The following EPN1 variants were observed in gnomAD, a reference collection of about 807,000 sequenced individuals.
EPN1 encodes epsin-1.
EPN1 carries 25 observed loss-of-function variants against 56.9 expected under a neutral mutation model. That is an observed-to-expected ratio of 0.44 (90% confidence interval 0.32 to 0.61). EPN1 has a LOEUF of 0.61. Among genes scored for constraint, EPN1 ranks in the 20% least tolerant of loss-of-function variants. The pLI, the probability that EPN1 is intolerant of heterozygous loss-of-function variation, is 0.05. For synonymous variants in EPN1, 411 were observed against 361.8 expected, an observed-to-expected ratio of 1.14 and a Z score of -1.54; for missense variants, 785 against 823.7, an observed-to-expected ratio of 0.95 and a Z score of 0.58.
At chr19:55,676,280 T>C (rs977953994) in intron 1 of EPN1, among the ~76,000 whole-genome samples, 54 of 151,984 alleles carry the variant, frequency 3.6e-4, no homozygotes, top group African/African-American at 1.2e-3. Flanking sequence ...TAGATATCGG[T>C]CGGTTATTGG....
chr19:55,708,923 C>A lies in EPN1; in HGVS notation c.*13567C>A, dbSNP rs1600120183. 1 of 1,547,138 alleles carries A rather than the reference C, an allele frequency of 6.5e-7. No individual in the cohort carries two copies. Among genetic ancestry groups the A allele is most frequent in the Non-Finnish European group, 8.7e-7 (1 of 1,155,726 alleles). On this transcript the variant is annotated 3_prime_UTR_variant, in exon 11 of 11. Coordinates refer to ENST00000270460, the MANE Select transcript of EPN1 (RefSeq NM_001130072.2). Reference sequence around the variant, plus strand: ...CAGGGTGTTCCCCATCAGAGGAGCACACCCCTGATCTTGTATTCCTCGTCA... The same window carrying A: ...CAGGGTGTTCCCCATCAGAGGAGCAAACCCCTGATCTTGTATTCCTCGTCA...
rs1026973550 is a variant in EPN1, at chr19:55,689,066, C to T, written c.603+72C>T. ...GCCTCACTTCAGGCTCCCTCCCAGC[C>T]AGGCGTGGGCCTGGCCCTCACTGTC... On this transcript the variant is annotated intron_variant, in intron 4 of 10. Transcript: ENST00000270460. The surrounding 1 kb of genome is among the most constrained non-coding windows in gnomAD (Gnocchi z 5.7). The T allele has an allele frequency of 3.3e-5, 49 of 1,494,370 alleles. No individual in the cohort carries two copies. The African/African-American group carries it at 6.6e-4, about 20-fold the overall frequency. The allele number at this position is 1,494,370 out of a possible 1,614,324, so 92.6% of individuals were successfully genotyped here. A position where few individuals can be genotyped will look rare whatever the true frequency, so the allele number is the denominator to read the frequency against.
At chr19:55,688,175 G>A (rs770049834) in intron 3 of EPN1, among the ~76,000 whole-genome samples, 4 of 152,168 alleles carry the variant, frequency 2.6e-5, no homozygotes, top group Non-Finnish European at 5.9e-5. Flanking sequence ...ACTGTGGAGG[G>A]GGGCAAGGGT....
At chr19:55,685,923 CAG>C (rs1568570684) in intron 3 of EPN1, among the ~76,000 whole-genome samples, 1 of 152,240 alleles carries the variant, frequency 6.6e-6, no homozygotes, top group Non-Finnish European at 1.5e-5. Context: ...CCCATAGGCT[CAG>C]GGCCTGAGGG....
chr19:55,686,485 G>A (rs1040630296), intron 3 of EPN1, among the ~76,000 whole-genome samples: 2 of 152,208 alleles, frequency 1.3e-5, no homozygotes, highest in Non-Finnish European at 2.9e-5. Context: ...AGCCAGGCCG[G>A]TGCAGACAGG....
chr19:55,677,837 C>T lies in EPN1; in HGVS notation c.-101-690C>T, dbSNP rs1481115748. 4 of 1,383,130 alleles carry T rather than the reference C, an allele frequency of 2.9e-6. No individual in the cohort carries two copies. In the Admixed American group the frequency reaches 9.7e-5, roughly 34 times the overall value. The allele number at this position is 1,383,130 out of a possible 1,614,324, so 85.7% of individuals were successfully genotyped here. On this transcript the variant is annotated intron_variant, in intron 1 of 10. Transcript: ENST00000270460. ...ATTCCTGCCCCCTCTGCCCTTGTTC[C>T]AGAGGTCTTTCCTGCCCTCCCTCTC...
rs1451140757 is a variant in EPN1 at position 55,688,890 on chromosome 19, T to C, written c.499T>C (p.Ser167Pro). The C allele has an allele frequency of 1.9e-6, 3 of 1,579,566 alleles. No homozygotes were observed. In the South Asian group the frequency reaches 3.5e-5, roughly 18 times the overall value. ...TATASSAAVG[S>P]GPPPEAEQAW... is the part of the protein sequence containing the mutation. The stretch of plus-strand genomic sequence containing the variant: ...TCCAGCCTCATCAGCAGCTGTGGGC[T>C]CAGGCCCCCCTCCCGAGGCGGAGCA... The change falls in exon 4 of 11, where the codon TCA becomes CCA. Residue 167 changes from serine (S) to proline (P), a missense_variant. Ser to Pro is a moderately conservative substitution (Grantham distance 74). This residue lies in a region of EPN1 where 650 missense variants were observed against 605.0 expected (regional missense o/e 1.07). Coordinates refer to ENST00000270460, the MANE Select transcript of EPN1 (RefSeq NM_001130072.2).
chr19:55,675,643 C>T (rs1985349133), intron 1 of EPN1, among the ~76,000 whole-genome samples: 1 of 152,134 alleles, frequency 6.6e-6, no homozygotes, highest in Admixed American at 6.5e-5. Flanking sequence ...GCGTCTGTTT[C>T]CTGTGGGCCT....
At position 55,698,125 on chromosome 19, in the gene EPN1, G is replaced by C. The variant is rs914341677; in HGVS notation, c.*2769G>C. 6.6e-6 allele frequency: 1 copy of C among 151,780 alleles called. No individual in the cohort carries two copies. Among genetic ancestry groups the C allele is most frequent in the African/African-American group, 2.4e-5 (1 of 41,228 alleles). 9.4% of individuals were successfully genotyped at this position (151,780 alleles called of 1,614,324 possible). A position where few individuals can be genotyped will look rare whatever the true frequency, so the allele number is the denominator to read the frequency against. On this transcript the variant is annotated 3_prime_UTR_variant, in exon 11 of 11. Coordinates refer to ENST00000270460, the MANE Select transcript of EPN1 (RefSeq NM_001130072.2). ...GCTGAAGAAGCCTATCAGATGTGAG[G>C]GTGGCGGGGGTTGGGGGGGATGGCG...
chr19:55,692,826 C>T (rs967286439), intron 8 of EPN1, 30 bp downstream of exon 8: 15 of 1,584,554 alleles, frequency 9.5e-6, no homozygotes, highest in South Asian at 5.7e-5. Flanking sequence ...AATGGAGCCC[C>T]GGGTGGGAGT....
rs770781947 is a variant in EPN1, at chr19:55,677,782, C to G, written c.-101-745C>G. 6 of 1,459,336 alleles carry G rather than the reference C, an allele frequency of 4.1e-6. No individual in the cohort carries two copies. The South Asian group carries it at 7.4e-5, about 18-fold the overall frequency. 90.4% of individuals were successfully genotyped at this position (1,459,336 alleles called of 1,614,324 possible). A position where few individuals can be genotyped will look rare whatever the true frequency, so the allele number is the denominator to read the frequency against. The stretch of plus-strand genomic sequence containing the variant: ...TGTCTTTAATCCCTTCATCAGCCTT[C>G]TTTCCCATGTGTCCTTGTTTCTGCT... On this transcript the variant is annotated intron_variant, in intron 1 of 10. Transcript: ENST00000270460.
At chr19:55,677,321 C>T (rs566086258) in intron 1 of EPN1, 278 of 773,518 alleles carry the variant, frequency 3.6e-4, no homozygotes, top group Non-Finnish European at 5.6e-4. Flanking sequence ...TGAGTTAATA[C>T]ATGTAAAGCA....
intron 9 of EPN1, 77 bp downstream of exon 9, chr19:55,693,114 C>T (rs1986689147): frequency 1.4e-6 from 2 of 1,422,192 alleles, no homozygotes; most frequent in South Asian, 1.2e-5. Flanking sequence ...CCCTTGCTGT[C>T]TTTGTCCCAC....
At chr19:55,692,824 C>A (rs1020249227) in intron 8 of EPN1, 28 bp downstream of exon 8, 4 of 1,586,958 alleles carry the variant, frequency 2.5e-6, no homozygotes, top group South Asian at 2.3e-5. Flanking sequence ...GGAATGGAGC[C>A]CCGGGTGGGA....
Position 55,694,565 on chromosome 19 carries a change from C to A in EPN1, c.1265-161C>A. On this transcript the variant is annotated intron_variant, in intron 9 of 10. Coordinates refer to ENST00000270460, the MANE Select transcript of EPN1 (RefSeq NM_001130072.2). The surrounding 1 kb of genome is among the most constrained non-coding windows in gnomAD (Gnocchi z 4.2). The stretch of plus-strand genomic sequence containing the variant: ...AATCTGGGCTGACGTGAGGTTTTGG[C>A]CTGGGCAAGCGATGCTTCCGCTCTG... 1.2e-6 allele frequency: 1 copy of A among 852,288 alleles called. No individual in the cohort carries two copies. Among genetic ancestry groups the A allele is most frequent in the Non-Finnish European group, 1.7e-6 (1 of 597,320 alleles). 52.8% of individuals were successfully genotyped at this position (852,288 alleles called of 1,614,324 possible). A position where few individuals can be genotyped will look rare whatever the true frequency, so the allele number is the denominator to read the frequency against.
rs981219054 is a variant in EPN1 at position 55,701,256 on chromosome 19, C to T, written c.*5900C>T. 6.6e-6 allele frequency: 1 copy of T among 151,964 alleles called. No homozygotes were observed. Among genetic ancestry groups the T allele is most frequent in the African/African-American group, 2.4e-5 (1 of 41,322 alleles). 9.4% of individuals were successfully genotyped at this position (151,964 alleles called of 1,614,324 possible). On this transcript the variant is annotated 3_prime_UTR_variant, in exon 11 of 11. Coordinates refer to ENST00000270460, the MANE Select transcript of EPN1 (RefSeq NM_001130072.2). ...ACGAGGTCAGGAGTTCGAGACCAGC[C>T]TGGCCAACATGGCGAAACCCCGTCT...
chr19:55,682,565 T>C (rs1985886824), intron 2 of EPN1, among the ~76,000 whole-genome samples: 1 of 151,564 alleles, frequency 6.6e-6, no homozygotes, highest in South Asian at 2.1e-4. Context: ...ATGACACGCA[T>C]GTGCCACCAC....
intron 3 of EPN1, among the ~76,000 whole-genome samples, chr19:55,686,493 A>G (rs1017009001): frequency 9.9e-5 from 15 of 152,204 alleles, no homozygotes; most frequent in Non-Finnish European, 1.6e-4. Flanking sequence ...CGGTGCAGAC[A>G]GGAGGAAGGG....
intron 1 of EPN1, chr19:55,677,143 TC>T: frequency 6.4e-7 from 1 of 1,551,388 alleles, no homozygotes; most frequent in African/African-American, 1.4e-5. Context: ...TTTGAAAATC[TC>T]CCTCTGTGGC....
Sources: gnomAD v4.1 joint callset for allele counts (sites outside exome capture counted in the v4.1 genomes callset) on GRCh38, gnomAD v4.1.1 for gene constraint, gnomAD v4.1.1 regional missense constraint, Gnocchi (gnomAD v3.1) non-coding constraint, MANE v1.5 for transcripts, NCBI Gene and HGNC (gene_info 2026-07-23, HGNC 2026-07-21) for gene names.